The following TRIM35 variants were observed in gnomAD, a reference collection of about 807,000 sequenced individuals.
The protein encoded by TRIM35 is tripartite motif containing 35.
A neutral mutation model predicts 49.1 loss-of-function variants in TRIM35; 37 were observed. The observed-to-expected ratio is 0.75, with a 90% CI of 0.58 to 0.99. TRIM35 has a LOEUF of 0.99. TRIM35 is among the 50% of genes least tolerant of loss of function. The pLI is 0.00. For missense variants in TRIM35, 648 were observed against 702.7 expected, an observed-to-expected ratio of 0.92 and a Z score of 0.88; for synonymous variants, 302 against 289.3, an observed-to-expected ratio of 1.04 and a Z score of -0.45.
At position 27,294,298 on chromosome 8, in the gene TRIM35, A is replaced by G. The variant is rs1391531560; in HGVS notation, c.544T>C (p.Trp182Arg). 6.2e-7 allele frequency: 1 copy of G among 1,613,722 alleles called. No individual in the cohort carries two copies. The highest frequency in any genetic ancestry group is 8.5e-7 in the Non-Finnish European group (1 of 1,179,952). ...TCCTGCCGGATCCGGCCTTCCAGCCATGCAGCCTCCACCTACGGAAGACAG... is the reference window on the plus strand; with the variant it reads ...TCCTGCCGGATCCGGCCTTCCAGCCGTGCAGCCTCCACCTACGGAAGACAG... The part of the protein sequence containing the change: ...IAKHNQVEAA[W>R]LEGRIRQEFD... Residue 182 changes from tryptophan (W) to arginine (R), a missense_variant, in exon 3 of 6, where the codon TGG becomes CGG. Trp to Arg is a moderately radical substitution (Grantham distance 101). Coordinates refer to ENST00000305364, the MANE Select transcript of TRIM35 (RefSeq NM_171982.5).
At chr8:27,309,827 T>TAA (rs34068211) in intron 1 of TRIM35, among the ~76,000 whole-genome samples, 49 of 140,246 alleles carry the variant, frequency 3.5e-4, no homozygotes, top group Admixed American at 1.1e-3. Flanking sequence ...TACTAGAAAT[T>TAA]AAAAAAAAAA....
At chr8:27,307,565 G>T (rs926692210) in intron 1 of TRIM35, among the ~76,000 whole-genome samples, 3 of 152,164 alleles carry the variant, frequency 2.0e-5, no homozygotes, top group African/African-American at 7.2e-5. Flanking sequence ...AGGACTGTCC[G>T]GTCCTGTCCT....
Position 27,287,538 on chromosome 8 carries a change from C to A in TRIM35, c.*12G>T. On this transcript the variant is annotated 3_prime_UTR_variant, in exon 6 of 6. Transcript: ENST00000305364. The surrounding 1 kb of genome is among the most constrained non-coding windows in gnomAD (Gnocchi z 6.0). ...GTGCTGTGGCACAAGACCGGGGCAG[C>A]CCCGGGCCAGCTCAGCCATCCAGTT... 1.3e-6 allele frequency: 2 copies of A among 1,549,230 alleles called. No homozygotes were observed. The highest frequency in any genetic ancestry group is 1.2e-5 in the South Asian group (1 of 81,280).
At chr8:27,303,636 A>G (rs1349690061) in intron 1 of TRIM35, among the ~76,000 whole-genome samples, 1 of 152,246 alleles carries the variant, frequency 6.6e-6, no homozygotes, top group Non-Finnish European at 1.5e-5. Flanking sequence ...CAGGAGAGCA[A>G]ACAAGCTTCG....
intron 1 of TRIM35, among the ~76,000 whole-genome samples, chr8:27,303,427 T>C (rs533061171): frequency 6.6e-6 from 1 of 152,320 alleles, no homozygotes; most frequent in East Asian, 1.9e-4. Flanking sequence ...ATATGACATG[T>C]AAGAAGTGTG....
At chr8:27,294,740 C>T (rs1213855551) in intron 2 of TRIM35, among the ~76,000 whole-genome samples, 1 of 152,078 alleles carries the variant, frequency 6.6e-6, no homozygotes, top group Non-Finnish European at 1.5e-5. Context: ...AGAGGCTTTA[C>T]CAAAAGAGCA....
intron 3 of TRIM35, among the ~76,000 whole-genome samples, chr8:27,291,305 A>C (rs1466113228): frequency 6.6e-6 from 1 of 152,206 alleles, no homozygotes; most frequent in Admixed American, 6.5e-5. Context: ...CCATGAAAAG[A>C]TGTTCCAAGT....
Position 27,287,530 on chromosome 8 carries a change from C to CGG in TRIM35, c.*18_*19dup. ...AGAAAACAGTGCTGTGGCACAAGAC[C>CGG]GGGGCAGCCCCGGGCCAGCTCAGCC... On this transcript the variant is annotated 3_prime_UTR_variant, in exon 6 of 6. Transcript: ENST00000305364. The surrounding 1 kb of genome is among the most constrained non-coding windows in gnomAD (Gnocchi z 6.0). 2 of 1,532,568 alleles carry CGG rather than the reference C, an allele frequency of 1.3e-6. No homozygotes were observed. The highest frequency in any genetic ancestry group is 2.5e-5 in the South Asian group (2 of 79,228). The allele number at this position is 1,532,568 out of a possible 1,614,324, so 94.9% of individuals were successfully genotyped here. A position where few individuals can be genotyped will look rare whatever the true frequency, so the allele number is the denominator to read the frequency against.
chr8:27,293,080 A>C (rs1290479003), intron 3 of TRIM35, among the ~76,000 whole-genome samples: 1 of 151,726 alleles, frequency 6.6e-6, no homozygotes, highest in African/African-American at 2.4e-5. Flanking sequence ...GACATTTTTG[A>C]GACAGGAGAC....
chr8:27,292,738 G>T (rs1318341285), intron 3 of TRIM35, among the ~76,000 whole-genome samples: 1 of 152,170 alleles, frequency 6.6e-6, no homozygotes, highest in African/African-American at 2.4e-5. Context: ...GCTGCTTTTG[G>T]AGGCATGAAA....
In TRIM35 at chr8:27,295,778, T is replaced by A. The variant is rs561504366; in HGVS notation, c.532-1468A>T. On this transcript the variant is annotated intron_variant, in intron 2 of 5. Transcript: ENST00000305364. Reference sequence around the variant, plus strand: ...TCATAAGCCAGGGACTGTGTGTATGTTTACAGCTCTGAAAATATACGAAAA... The same window carrying A: ...TCATAAGCCAGGGACTGTGTGTATGATTACAGCTCTGAAAATATACGAAAA... Among the ~76,000 whole-genome samples, 10 of 152,304 alleles carry A rather than the reference T, an allele frequency of 6.6e-5. No homozygotes were observed. The East Asian group carries it at 1.9e-3, about 29-fold the overall frequency.
At position 27,285,228 on chromosome 8, in the gene TRIM35, T is replaced by C. The variant is rs1224491426; in HGVS notation, c.*2322A>G. ...ATAGATAATAAAAAGCACTGAGGGA[T>C]GTGGAGTCATCAGAACCCTCATGCC... On this transcript the variant is annotated 3_prime_UTR_variant, in exon 6 of 6. Coordinates refer to ENST00000305364, the MANE Select transcript of TRIM35 (RefSeq NM_171982.5). 6.6e-6 allele frequency: 1 copy of C among 152,234 alleles called. No homozygotes were observed. Among genetic ancestry groups the C allele is most frequent in the African/African-American group, 2.4e-5 (1 of 41,452 alleles). 9.4% of individuals were successfully genotyped at this position (152,234 alleles called of 1,614,324 possible).
intron 2 of TRIM35, among the ~76,000 whole-genome samples, chr8:27,296,728 C>T (rs1173490877): frequency 2.0e-5 from 3 of 152,208 alleles, no homozygotes; most frequent in African/African-American, 7.2e-5. Flanking sequence ...CTACATGACT[C>T]CACGATGACT....
rs566234025 is a variant in TRIM35 at position 27,296,255 on chromosome 8, T to C, written c.532-1945A>G. The stretch of plus-strand genomic sequence containing the variant: ...GTGCGCCATGGTGGTCTGCTGCACC[T>C]GTCAACCCATCACCTAGGCATTAAG... On this transcript the variant is annotated intron_variant, in intron 2 of 5. Transcript: ENST00000305364. 2.0e-5 allele frequency among the ~76,000 whole-genome samples: 3 copies of C among 151,986 alleles called. No individual in the cohort carries two copies. The East Asian group carries it at 5.8e-4, about 29-fold the overall frequency.
chr8:27,306,182 A>G (rs1452820550), intron 1 of TRIM35, among the ~76,000 whole-genome samples: 1 of 152,172 alleles, frequency 6.6e-6, no homozygotes, highest in Non-Finnish European at 1.5e-5. Context: ...AGAATGACGC[A>G]CGGTCTGTGT....
intron 3 of TRIM35, among the ~76,000 whole-genome samples, chr8:27,291,736 G>T (rs1488702298): frequency 6.6e-6 from 1 of 152,172 alleles, no homozygotes; most frequent in Non-Finnish European, 1.5e-5. Context: ...TTCACTCGTG[G>T]TTCTGAAGCT....
chr8:27,301,092 T>C (rs1331283798), intron 1 of TRIM35, among the ~76,000 whole-genome samples: 1 of 152,220 alleles, frequency 6.6e-6, no homozygotes, highest in African/African-American at 2.4e-5. Flanking sequence ...AATCCTAAAA[T>C]GGCCCTTCTC....
intron 1 of TRIM35, among the ~76,000 whole-genome samples, chr8:27,308,548 G>A (rs367864005): frequency 2.8e-4 from 43 of 152,154 alleles, no homozygotes; most frequent in African/African-American, 8.7e-4. Context: ...TTCCCATACC[G>A]CTCCCCCACA....
At chr8:27,297,394 C>A (rs952758411) in intron 2 of TRIM35, among the ~76,000 whole-genome samples, 3 of 152,198 alleles carry the variant, frequency 2.0e-5, no homozygotes, top group African/African-American at 7.2e-5. Context: ...CCACACAGGA[C>A]CTGGAGGAAG....
Sources: gnomAD v4.1 joint callset for allele counts (sites outside exome capture counted in the v4.1 genomes callset) on GRCh38, gnomAD v4.1.1 for gene constraint, Gnocchi (gnomAD v3.1) non-coding constraint, MANE v1.5 for transcripts, NCBI Gene and HGNC (gene_info 2026-07-23, HGNC 2026-07-21) for gene names.